Variants in MTFR1 observed in about 807,000 individuals in gnomAD.
The protein encoded by MTFR1 is chondrocyte protein with a poly-proline region.
Under a neutral mutation model 38.8 loss-of-function variants are expected in MTFR1, and 28 were observed. The observed-to-expected ratio is 0.72, with a 90% CI of 0.53 to 0.99. MTFR1 has a LOEUF of 0.99. Among genes scored for constraint, MTFR1 ranks in the 50% least tolerant of loss-of-function variants. The pLI, the probability that MTFR1 is intolerant of heterozygous loss-of-function variation, is 0.00. For synonymous variants in MTFR1, 145 were observed against 137.0 expected, an observed-to-expected ratio of 1.06 and a Z score of -0.41; for missense variants, 358 against 395.5, an observed-to-expected ratio of 0.91 and a Z score of 0.81.
At chr8:65,740,482 C>T (rs1339573380) in intron 3 of MTFR1, among the ~76,000 whole-genome samples, 1 of 152,102 alleles carries the variant, frequency 6.6e-6, no homozygotes, top group East Asian at 1.9e-4. Flanking sequence ...CTCACTGCAA[C>T]CTCCACCTCC....
downstream of MTFR1, among the ~76,000 whole-genome samples, chr8:65,775,309 T>G (rs1809228458): frequency 6.6e-6 from 1 of 152,198 alleles, no homozygotes; most frequent in Non-Finnish European, 1.5e-5. Flanking sequence ...CTACTTTATC[T>G]TTTCTTAGTG....
At chr8:65,760,834 G>C (rs955337457) in intron 3 of MTFR1, among the ~76,000 whole-genome samples, 5 of 152,116 alleles carry the variant, frequency 3.3e-5, no homozygotes, top group African/African-American at 1.2e-4. Flanking sequence ...TCTGTCAGCA[G>C]GTTAGCGAAA....
Position 65,662,346 on chromosome 8 carries a change from A to G in MTFR1, c.-80-7527A>G, listed in dbSNP as rs575845989. Among the ~76,000 whole-genome samples the G allele has an allele frequency of 6.4e-4, 98 of 152,062 alleles. 1 individual carries two copies. In the South Asian group the frequency reaches 0.02, roughly 31 times the overall value. On this transcript the variant is annotated intron_variant, in intron 1 of 7. Coordinates refer to ENST00000262146, the MANE Select transcript of MTFR1 (RefSeq NM_014637.4). ...AGCTCCTAACCGCGAGTGATCCGCC[A>G]GCCTCGGCCTCCCGAGGTGCCGGGA... is the stretch of plus-strand genomic sequence containing the variant.
At chr8:65,656,118 C>T (rs1809262921) in intron 1 of MTFR1, among the ~76,000 whole-genome samples, 2 of 150,024 alleles carry the variant, frequency 1.3e-5, no homozygotes. Context: ...ATCGCTTGAA[C>T]CCAGGAGGCA....
intron 1 of MTFR1, among the ~76,000 whole-genome samples, chr8:65,647,143 A>C (rs955348727): frequency 6.6e-6 from 1 of 152,228 alleles, no homozygotes; most frequent in African/African-American, 2.4e-5. Context: ...GTACTGTCAA[A>C]GGTGGCTTTA....
rs746428546 is a variant in MTFR1 at position 65,719,345 on chromosome 8, T to A, written c.382-35T>A. ...CTGTGAGTTCAACTCAAATGCAGCA[T>A]CAGTGTCCTCACTGCTCGACTGTTC... On this transcript the variant is annotated intron_variant, in intron 2 of 3. Transcript: ENST00000521247. 3.5e-5 allele frequency: 56 copies of A among 1,614,022 alleles called. No individual in the cohort carries two copies. Among genetic ancestry groups the A allele is most frequent in the Non-Finnish European group, 4.2e-5 (49 of 1,179,994 alleles).
At chr8:65,661,148 C>T (rs1809403926) in intron 1 of MTFR1, among the ~76,000 whole-genome samples, 1 of 152,264 alleles carries the variant, frequency 6.6e-6, no homozygotes. Flanking sequence ...GGATACATAT[C>T]ATTATTCATT....
chr8:65,763,581 G>C (rs1290044772), intron 3 of MTFR1, among the ~76,000 whole-genome samples: 1 of 151,784 alleles, frequency 6.6e-6, no homozygotes, highest in Non-Finnish European at 1.5e-5. Context: ...AAAAAAGATT[G>C]ATTACTCTTA....
intron 1 of MTFR1, among the ~76,000 whole-genome samples, chr8:65,664,938 T>C (rs909312496): frequency 2.0e-5 from 3 of 149,550 alleles, no homozygotes; most frequent in Admixed American, 6.7e-5. Flanking sequence ...AAAAAATTTT[T>C]TTTTTTTTTT....
chr8:65,658,678 C>T (rs889011759), intron 1 of MTFR1, among the ~76,000 whole-genome samples: 4 of 152,142 alleles, frequency 2.6e-5, no homozygotes, highest in Non-Finnish European at 4.4e-5. Context: ...AAAATGCCAC[C>T]TGATTCTTAG....
chr8:65,704,910 G>A lies in MTFR1; in HGVS notation c.498G>A (p.Glu166=). 6.3e-7 allele frequency: 1 copy of A among 1,595,910 alleles called. No individual in the cohort carries two copies. The highest frequency in any genetic ancestry group is 8.6e-7 in the Non-Finnish European group (1 of 1,169,022). The change falls in exon 5 of 8, where the codon GAG becomes GAA. Residue 166 remains glutamate, a synonymous_variant. Coordinates refer to ENST00000262146, the MANE Select transcript of MTFR1 (RefSeq NM_014637.4). ...TTGCCAAAATTGTGACCCAGCAGGA[G>A]CAGCAAAATCTCACTGCAGGTCTGT... ...AQIAKIVTQQ[E]QQNLTAGDLD... is the part of the protein sequence containing the mutation.
chr8:65,667,563 G>A (rs1018410670), intron 1 of MTFR1, among the ~76,000 whole-genome samples: 1 of 151,978 alleles, frequency 6.6e-6, no homozygotes, highest in Non-Finnish European at 1.5e-5. Context: ...AAGTAGCTGG[G>A]ATTACAGGTG....
At chr8:65,774,238 T>C (rs1585907094), downstream of MTFR1, among the ~76,000 whole-genome samples, 1 of 152,232 alleles carries the variant, frequency 6.6e-6, no homozygotes, top group African/African-American at 2.4e-5. Flanking sequence ...CGCTGAAGTA[T>C]TACTCTTTCG....
intron 2 of MTFR1, among the ~76,000 whole-genome samples, chr8:65,674,227 C>G (rs1247818868): frequency 6.6e-6 from 1 of 152,104 alleles, no homozygotes; most frequent in African/African-American, 2.4e-5. Context: ...GCCACTGCGT[C>G]CGTCCTTTTA....
chr8:65,650,059 G>A (rs1040611162), intron 1 of MTFR1, among the ~76,000 whole-genome samples: 13 of 150,656 alleles, frequency 8.6e-5, no homozygotes, highest in Non-Finnish European at 1.3e-4. Flanking sequence ...GACTGGTCTC[G>A]AACTCCCGAC....
chr8:65,744,258 G>A (rs1043363673), intron 3 of MTFR1, among the ~76,000 whole-genome samples: 1 of 151,940 alleles, frequency 6.6e-6, no homozygotes, highest in Non-Finnish European at 1.5e-5. Flanking sequence ...CAGGCATGAA[G>A]GAACTTTTTT....
chr8:65,702,103 C>T (rs541903159), intron 4 of MTFR1, among the ~76,000 whole-genome samples: 1 of 152,144 alleles, frequency 6.6e-6, no homozygotes, highest in South Asian at 2.1e-4. Flanking sequence ...GAGCCTAAAA[C>T]AGCTAATGAG....
At chr8:65,674,471 G>A (rs1419372577) in intron 2 of MTFR1, among the ~76,000 whole-genome samples, 2 of 151,924 alleles carry the variant, frequency 1.3e-5, no homozygotes, top group African/African-American at 4.8e-5. Context: ...AATTAGCCGG[G>A]CATGGTGGTG....
intron 2 of MTFR1, chr8:65,718,176 G>T (rs1327045900): frequency 6.6e-6 from 1 of 152,136 alleles, no homozygotes; most frequent in African/African-American, 2.4e-5. Flanking sequence ...TCCCCCGAGT[G>T]TGGCTGCTCA....
Sources: gnomAD v4.1 joint callset for allele counts (sites outside exome capture counted in the v4.1 genomes callset) on GRCh38, gnomAD v4.1.1 for gene constraint, MANE v1.5 for transcripts, NCBI Gene and HGNC (gene_info 2026-07-23, HGNC 2026-07-21) for gene names.